AFTPH: variants seen among roughly 807,000 people sequenced by gnomAD.
The protein encoded by AFTPH is aftiphilin, also known as aftiphilin protein.
In AFTPH, 7 loss-of-function variants were observed where a neutral mutation model predicts 72.5. The ratio of observed to expected loss-of-function variants is 0.10; its 90% confidence interval spans 0.05 to 0.18. AFTPH has a LOEUF of 0.18. Ranked by LOEUF, AFTPH falls within the 10% of genes least tolerant of loss-of-function variation. The pLI is 1.00. For missense variants in AFTPH, 979 were observed against 1,060.5 expected, an observed-to-expected ratio of 0.92 and a Z score of 1.07; for synonymous variants, 337 against 370.1, an observed-to-expected ratio of 0.91 and a Z score of 1.03.
At chr2:64,578,761 T>C (rs543452344) in intron 6 of AFTPH, 1 of 152,208 alleles carries the variant, frequency 6.6e-6, no homozygotes, top group Non-Finnish European at 1.5e-5. Context: ...GGTTTCACTG[T>C]GTTAGCCAGG....
chr2:64,526,147 A>G (rs1225514820), intron 1 of AFTPH, among the ~76,000 whole-genome samples: 1 of 152,218 alleles, frequency 6.6e-6, no homozygotes, highest in East Asian at 1.9e-4. Flanking sequence ...AACAAGGATA[A>G]TATGTCCTTA....
At chr2:64,526,855 A>C (rs1669301774) in intron 1 of AFTPH, among the ~76,000 whole-genome samples, 1 of 152,194 alleles carries the variant, frequency 6.6e-6, no homozygotes, top group African/African-American at 2.4e-5. Context: ...CCACACAACA[A>C]CCTGTAAGGC....
chr2:64,538,630 C>T (rs961689844), intron 1 of AFTPH, among the ~76,000 whole-genome samples: 1 of 152,128 alleles, frequency 6.6e-6, no homozygotes, highest in Non-Finnish European at 1.5e-5. Flanking sequence ...CACTTCATTG[C>T]CTCCAGGTCA....
At chr2:64,552,204 C>G in exon 2 of AFTPH, 2 of 1,613,790 alleles carry the variant, frequency 1.2e-6, no homozygotes, top group Non-Finnish European at 1.7e-6. Context: ...GGAAAGGATA[C>G]AATTAGAAGA....
chr2:64,553,216 A>G (rs1389995134), exon 2 of AFTPH: 2 of 1,614,168 alleles, frequency 1.2e-6, no homozygotes, highest in South Asian at 2.2e-5. Flanking sequence ...GAACAAAAAG[A>G]TAGTTGTTCT....
At chr2:64,559,151 A>T (rs892652051) in intron 2 of AFTPH, among the ~76,000 whole-genome samples, 1 of 152,126 alleles carries the variant, frequency 6.6e-6, no homozygotes, top group Non-Finnish European at 1.5e-5. Flanking sequence ...TCCTGTGTAC[A>T]CCTCTCTGGA....
At position 64,573,018 on chromosome 2, in the gene AFTPH, A is replaced by T; in HGVS notation, c.2344A>T (p.Thr782Ser). The change falls in exon 6 of 9, where the codon ACA becomes TCA. Residue 782 changes from threonine to serine, a missense_variant. This residue lies in a region of AFTPH where 438 missense variants were observed against 530.0 expected (regional missense o/e 0.83). Transcript: ENST00000238856. ...AGAAAAAATAGCTTCCATCGGTCAGACAGCCACCATGTCACCAGATATGAA... is the reference window on the plus strand; with the variant it reads ...AGAAAAAATAGCTTCCATCGGTCAGTCAGCCACCATGTCACCAGATATGAA... 5.0e-6 allele frequency: 8 copies of T among 1,614,166 alleles called. No individual in the cohort carries two copies. The highest frequency in any genetic ancestry group is 3.4e-6 in the Non-Finnish European group (4 of 1,179,998).
At chr2:64,553,352 A>G in exon 2 of AFTPH, 1 of 1,610,386 alleles carries the variant, frequency 6.2e-7, no homozygotes, top group Non-Finnish European at 8.5e-7. Flanking sequence ...TACCTTCAGC[A>G]ACTTCCAAAG....
At chr2:64,530,181 C>T (rs973978749) in intron 1 of AFTPH, among the ~76,000 whole-genome samples, 18 of 152,114 alleles carry the variant, frequency 1.2e-4, no homozygotes, top group African/African-American at 3.9e-4. Context: ...AAGCAAATCC[C>T]TCACTGTTAC....
intron 1 of AFTPH, among the ~76,000 whole-genome samples, chr2:64,532,787 G>C: frequency 6.6e-6 from 1 of 152,042 alleles, no homozygotes; most frequent in East Asian, 1.9e-4. Flanking sequence ...AAAAGCCTTA[G>C]GTAGATGAAA....
exon 2 of AFTPH, chr2:64,552,007 G>T: frequency 6.2e-7 from 1 of 1,613,914 alleles, no homozygotes; most frequent in Non-Finnish European, 8.5e-7. Flanking sequence ...AAGCCTCCTT[G>T]TCTGGAGATT....
At chr2:64,571,354 T>G (rs1672419451) in intron 5 of AFTPH, among the ~76,000 whole-genome samples, 1 of 151,348 alleles carries the variant, frequency 6.6e-6, no homozygotes, top group Non-Finnish European at 1.5e-5. Flanking sequence ...AAGCTGCTGA[T>G]TGGGGATCAC....
chr2:64,559,983 C>T (rs1396749449), intron 2 of AFTPH, among the ~76,000 whole-genome samples: 3 of 152,170 alleles, frequency 2.0e-5, no homozygotes, highest in Admixed American at 1.3e-4. Context: ...GGATTATAGG[C>T]ATGAGCCACC....
At position 64,587,834 on chromosome 2, in the gene AFTPH, C is replaced by T. The variant is rs189781331; in HGVS notation, c.2579+2289C>T. 8.9e-4 allele frequency among the ~76,000 whole-genome samples: 135 copies of T among 152,280 alleles called. 1 individual carries two copies. Among genetic ancestry groups the T allele is most frequent in the Non-Finnish European group, 1.6e-3 (109 of 68,020 alleles). ...AGTTCCATCTTCTTGCCTAACTTTC[C>T]TAATATGGAGGAAAATTACTTCCTA... On this transcript the variant is annotated intron_variant, in intron 8 of 8. Coordinates refer to ENST00000238856, the Ensembl canonical transcript of AFTPH.
At chr2:64,554,508 C>G (rs1179994432) in intron 2 of AFTPH, among the ~76,000 whole-genome samples, 1 of 152,208 alleles carries the variant, frequency 6.6e-6, no homozygotes, top group Non-Finnish European at 1.5e-5. Flanking sequence ...CCATTTTCAA[C>G]TGGAAATCTT....
intron 1 of AFTPH, among the ~76,000 whole-genome samples, chr2:64,525,128 C>A (rs1023990301): frequency 6.6e-6 from 1 of 152,220 alleles, no homozygotes; most frequent in Non-Finnish European, 1.5e-5. Context: ...CTCCAACAGG[C>A]AGAGGGGACA....
intron 7 of AFTPH, chr2:64,580,160 T>G (rs1001291): frequency 0.28 from 42,132 of 152,540 alleles, 5,940 homozygotes; most frequent in African/African-American, 0.31. Context: ...CTTATTTCAG[T>G]AATGTAATGT....
intron 1 of AFTPH, among the ~76,000 whole-genome samples, chr2:64,532,008 G>T (rs1308655829): frequency 6.6e-6 from 1 of 152,174 alleles, no homozygotes; most frequent in Non-Finnish European, 1.5e-5. Context: ...TACATGGGTT[G>T]CACGGTAATT....
chr2:64,536,519 G>A (rs186863245), intron 1 of AFTPH, among the ~76,000 whole-genome samples: 31 of 146,826 alleles, frequency 2.1e-4, no homozygotes, highest in Non-Finnish European at 1.2e-4. Flanking sequence ...TAGTGATCGC[G>A]CCACTGCACT....
Sources: allele counts gnomAD v4.1 joint callset (sites outside exome capture counted in the v4.1 genomes callset), GRCh38; gene constraint gnomAD v4.1.1; regional missense constraint gnomAD v4.1.1; transcripts MANE v1.5; gene names NCBI Gene and HGNC (gene_info 2026-07-23, HGNC 2026-07-21).